RB1: variants seen among roughly 807,000 people sequenced by gnomAD.
RB1 encodes retinoblastoma-associated protein.
Under a neutral mutation model 135.4 loss-of-function variants are expected in RB1, and 18 were observed. The observed-to-expected ratio is 0.13, with a 90% CI of 0.09 to 0.20. RB1 has a LOEUF of 0.20. RB1 is among the 10% of genes least tolerant of loss of function. The pLI is 1.00. For missense variants in RB1, 868 were observed against 1,110.0 expected, an observed-to-expected ratio of 0.78 and a Z score of 3.10; for synonymous variants, 365 against 373.2, an observed-to-expected ratio of 0.98 and a Z score of 0.25.
chr13:48,428,507 C>T (rs990412438), intron 17 of RB1, among the ~76,000 whole-genome samples: 1 of 152,200 alleles, frequency 6.6e-6, no homozygotes, highest in African/African-American at 2.4e-5. Context: ...AAGGGACAAA[C>T]ATTGAAACCA....
At chr13:48,426,003 T>C (rs1470614248) in intron 17 of RB1, among the ~76,000 whole-genome samples, 1 of 152,170 alleles carries the variant, frequency 6.6e-6, no homozygotes, top group Non-Finnish European at 1.5e-5. Flanking sequence ...TCCTTATACA[T>C]GTTTGTATAA....
chr13:48,395,407 A>C (rs1378566502), intron 17 of RB1, among the ~76,000 whole-genome samples: 1 of 152,136 alleles, frequency 6.6e-6, no homozygotes, highest in Non-Finnish European at 1.5e-5. Flanking sequence ...TAGGCTTCAG[A>C]AGGTGGGTAA....
chr13:48,373,368 A>C, intron 11 of RB1, 37 bp from the exon 12 acceptor site: 1 of 1,290,688 alleles, frequency 7.7e-7, no homozygotes, highest in Non-Finnish European at 1.1e-6. Flanking sequence ...TTCTCCCTTC[A>C]TTGCTTAACA....
Position 48,363,421 on chromosome 13 carries a change from G to C in RB1, c.861+464G>C, listed in dbSNP as rs572174553. 9.9e-5 allele frequency among the ~76,000 whole-genome samples: 15 copies of C among 152,230 alleles called. No homozygotes were observed. In the South Asian group the frequency reaches 3.1e-3, roughly 32 times the overall value. Reference sequence around the variant, plus strand: ...TATTTAAAAAAATGAACTGGGCATGGTGGCATGTGCCTGTAGTCCCAGCTA... The same window carrying C: ...TATTTAAAAAAATGAACTGGGCATGCTGGCATGTGCCTGTAGTCCCAGCTA... On this transcript the variant is annotated intron_variant, in intron 8 of 26. Transcript: ENST00000267163.
intron 17 of RB1, among the ~76,000 whole-genome samples, chr13:48,445,677 G>A (rs1949281373): frequency 1.3e-5 from 2 of 152,074 alleles, no homozygotes; most frequent in Non-Finnish European, 2.9e-5. Context: ...CTTCATGAGA[G>A]AACCCTGTTC....
At chr13:48,347,650 T>G (rs931296273) in intron 4 of RB1, among the ~76,000 whole-genome samples, 175 bp from the exon 5 acceptor site, 13 of 152,058 alleles carry the variant, frequency 8.5e-5, no homozygotes, top group Admixed American at 2.6e-4. Context: ...TATATTAAAG[T>G]GATGTGAGAT....
rs147111726 is a variant in RB1, at chr13:48,420,566, G to A, written c.1696-32427G>A. ...GTTAGAAAAGAGGAAGAAATAAAGC[G>A]TATTCAAGTAGGAAGAGAGGAAATT... On this transcript the variant is annotated intron_variant, in intron 17 of 26. Coordinates refer to ENST00000267163, the MANE Select transcript of RB1 (RefSeq NM_000321.3). Among the ~76,000 whole-genome samples, 978 of 152,256 alleles carry A rather than the reference G, an allele frequency of 6.4e-3. 11 individuals are homozygous for A. Among genetic ancestry groups the A allele is most frequent in the African/African-American group, 0.022 (918 of 41,534 alleles).
In RB1 at chr13:48,362,931, A is replaced by G. The variant is rs1566192577; in HGVS notation, c.835A>G (p.Lys279Glu). 2 of 1,613,648 alleles carry G rather than the reference A, an allele frequency of 1.2e-6. No individual in the cohort carries two copies. Among genetic ancestry groups the G allele is most frequent in the Non-Finnish European group, 1.7e-6 (2 of 1,179,636 alleles). Residue 279 changes from lysine to glutamate, a missense_variant, in exon 8 of 27, where the codon AAA (lysine) becomes GAA (glutamate). By Grantham distance (56) the Lys-to-Glu change is moderately conservative. Around this residue, in one of 3 missense-constraint regions of RB1, gnomAD observed 641 missense variants for 791.3 expected, o/e 0.81. Coordinates refer to ENST00000267163, the MANE Select transcript of RB1 (RefSeq NM_000321.3). The stretch of plus-strand genomic sequence containing the variant: ...TACAAGAATTATTGAAGTTCTCTGT[A>G]AAGAACATGAATGTAATATAGATGA... ...NDTRIIEVLC[K>E]EHECNIDEVK...
intron 17 of RB1, among the ~76,000 whole-genome samples, chr13:48,422,340 G>A (rs139786371): frequency 3.5e-4 from 53 of 152,218 alleles, no homozygotes; most frequent in African/African-American, 1.2e-3. Context: ...ACACAGGGAG[G>A]GGAACATCAC....
chr13:48,344,514 C>T (rs1452219266), intron 3 of RB1, among the ~76,000 whole-genome samples: 2 of 152,082 alleles, frequency 1.3e-5, no homozygotes, highest in Non-Finnish European at 2.9e-5. Flanking sequence ...CAGAACCCTT[C>T]CACAGTGAGG....
chr13:48,364,265 A>C (rs533121846), intron 8 of RB1, among the ~76,000 whole-genome samples: 2 of 152,304 alleles, frequency 1.3e-5, no homozygotes, highest in Admixed American at 1.3e-4. Context: ...AATTAAGAAA[A>C]AGGCATGTCT....
intron 17 of RB1, among the ~76,000 whole-genome samples, chr13:48,438,230 G>T (rs1949203244): frequency 6.6e-6 from 1 of 152,082 alleles, no homozygotes; most frequent in Non-Finnish European, 1.5e-5. Context: ...GCCCTTCTAA[G>T]CACTTTACAT....
chr13:48,331,990 G>A (rs547358988), intron 2 of RB1, among the ~76,000 whole-genome samples: 3 of 152,078 alleles, frequency 2.0e-5, no homozygotes, highest in Non-Finnish European at 4.4e-5. Flanking sequence ...TTGAAAAATC[G>A]CAAATTGAAC....
intron 2 of RB1, among the ~76,000 whole-genome samples, chr13:48,326,863 A>T (rs1384746667): frequency 1.3e-5 from 2 of 151,104 alleles, no homozygotes; most frequent in South Asian, 2.1e-4. Flanking sequence ...CTGTCACATT[A>T]AAAAAAAAGT....
intron 2 of RB1, among the ~76,000 whole-genome samples, chr13:48,314,674 G>A (rs764900747): frequency 9.2e-5 from 14 of 151,872 alleles, no homozygotes; most frequent in African/African-American, 1.5e-4. Context: ...GGTGGCATGC[G>A]CCTGTAGTCC....
chr13:48,394,311 A>G (rs1948631645), intron 17 of RB1, among the ~76,000 whole-genome samples: 1 of 152,152 alleles, frequency 6.6e-6, no homozygotes, highest in Non-Finnish European at 1.5e-5. Context: ...GGTTTCAAGC[A>G]CAAAACTGGG....
chr13:48,379,510 A>G, intron 13 of RB1, 84 bp from the exon 14 acceptor site: 1 of 1,437,200 alleles, frequency 7.0e-7, no homozygotes, highest in African/African-American at 1.8e-5. Flanking sequence ...AAACAGTGAG[A>G]CTCCATCTCA....
At chr13:48,475,369 G>A (rs1949497958) in intron 24 of RB1, among the ~76,000 whole-genome samples, 1 of 152,148 alleles carries the variant, frequency 6.6e-6, no homozygotes, top group South Asian at 2.1e-4. Flanking sequence ...TGGGCCTGCA[G>A]TCATCTCAAG....
At position 48,360,025 on chromosome 13, in the gene RB1, T is replaced by C. The variant is rs886050270; in HGVS notation, c.616T>C (p.Leu206=). ...ITFLLAKGEV[L]QMEDDLVISF... is the part of the protein sequence containing the mutation. ...GTACATTTTTTTTTCAGGGGAAGTA[T>C]TACAAATGGAAGATGATCTGGTGAT... Residue 206 remains leucine, a synonymous_variant, in exon 7 of 27, where the codon TTA becomes CTA. Coordinates refer to ENST00000267163, the MANE Select transcript of RB1 (RefSeq NM_000321.3). The C allele has an allele frequency of 6.2e-7, 1 of 1,612,218 alleles. No individual in the cohort carries two copies. The highest frequency in any genetic ancestry group is 1.1e-5 in the South Asian group (1 of 91,040).
Sources: gnomAD v4.1 joint callset for allele counts (sites outside exome capture counted in the v4.1 genomes callset) on GRCh38, gnomAD v4.1.1 for gene constraint, gnomAD v4.1.1 regional missense constraint, MANE v1.5 for transcripts, NCBI Gene and HGNC (gene_info 2026-07-23, HGNC 2026-07-21) for gene names.